CDC14A: variants seen among roughly 807,000 people sequenced by gnomAD.
CDC14A encodes the protein dual specificity protein phosphatase CDC14A.
Under a neutral mutation model 74.4 loss-of-function variants are expected in CDC14A, and 53 were observed. The observed-to-expected ratio is 0.71, with a 90% CI of 0.57 to 0.89. The LOEUF (loss-of-function observed/expected upper bound fraction) is 0.89, where lower values mean the gene tolerates loss of function less well. CDC14A is among the 40% of genes least tolerant of loss of function. CDC14A has a pLI of 0.00. For synonymous variants in CDC14A, 247 were observed against 258.4 expected (o/e 0.96, Z 0.43); for missense variants, 646 against 713.7 (o/e 0.91, Z 1.08).
intron 4 of CDC14A, among the ~76,000 whole-genome samples, chr1:100,413,059 GAAAAGAA>G (rs1325720949): frequency 2.6e-5 from 4 of 151,354 alleles, no homozygotes; most frequent in Admixed American, 2.6e-4. Flanking sequence ...CTGTCAAAAA[GAAAAGAA>G]AAAAGAAAAA....
intron 7 of CDC14A, among the ~76,000 whole-genome samples, chr1:100,452,408 A>G (rs1376260784): frequency 6.6e-6 from 1 of 152,174 alleles, no homozygotes; most frequent in Non-Finnish European, 1.5e-5. Context: ...GCTACTTGGG[A>G]GGCTAAAGCA....
At chr1:100,396,366 ATT>A (rs757846150) in intron 4 of CDC14A, among the ~76,000 whole-genome samples, 20 of 152,216 alleles carry the variant, frequency 1.3e-4, no homozygotes, top group Non-Finnish European at 2.4e-4. Context: ...AACACTATCA[ATT>A]TAGAGCTGTG....
chr1:100,353,692 T>TA, intron 1 of CDC14A, 70 bp from the exon 2 acceptor site: 1 of 777,812 alleles, frequency 1.3e-6, no homozygotes, highest in African/African-American at 1.7e-5. Flanking sequence ...CTTCGTATGT[T>TA]ACCACCCACC....
intron 10 of CDC14A, among the ~76,000 whole-genome samples, chr1:100,480,796 A>G (rs927472265): frequency 2.6e-5 from 4 of 152,228 alleles, no homozygotes; most frequent in African/African-American, 7.2e-5. Context: ...TTTTGGCATG[A>G]CACTCCAATG....
chr1:100,349,062 C>T (rs1347720572), upstream of CDC14A, among the ~76,000 whole-genome samples: 1 of 152,104 alleles, frequency 6.6e-6, no homozygotes, highest in Admixed American at 6.5e-5. Context: ...GGCGTGGTGG[C>T]GCACATGCCT....
chr1:100,439,472 A>C (rs1263209337), intron 5 of CDC14A, among the ~76,000 whole-genome samples: 1 of 152,214 alleles, frequency 6.6e-6, no homozygotes, highest in Non-Finnish European at 1.5e-5. Context: ...ATTCACTGTT[A>C]ATAATAAGAA....
intron 7 of CDC14A, among the ~76,000 whole-genome samples, chr1:100,450,846 C>T (rs1009160882): frequency 8.5e-5 from 13 of 152,136 alleles, no homozygotes; most frequent in Non-Finnish European, 1.5e-5. Context: ...GCAGTCTCGA[C>T]TCTAATTATG....
At chr1:100,471,489 A>T (rs1261202428) in intron 10 of CDC14A, among the ~76,000 whole-genome samples, 1 of 152,048 alleles carries the variant, frequency 6.6e-6, no homozygotes, top group Non-Finnish European at 1.5e-5. Context: ...AAACCGAAGA[A>T]TTTTTTTTAT....
intron 15 of CDC14A, chr1:100,504,980 G>T: frequency 6.8e-7 from 1 of 1,477,642 alleles, no homozygotes; most frequent in South Asian, 1.3e-5. Flanking sequence ...ATTTTATCAT[G>T]TATGCTATTA....
Position 100,409,048 on chromosome 1 carries a change from A to G in CDC14A, c.310-15174A>G, listed in dbSNP as rs548593270. 2.0e-5 allele frequency among the ~76,000 whole-genome samples: 3 copies of G among 152,254 alleles called. No homozygotes were observed. In the South Asian group the frequency reaches 6.2e-4, roughly 32 times the overall value. ...ATAAAGACATATCTGAGACTGGGCA[A>G]TTTACAAAAGAAAGAGGCTTAATGG... On this transcript the variant is annotated intron_variant, in intron 4 of 15. Transcript: ENST00000336454.
In CDC14A at chr1:100,500,743, C is replaced by CAA. The variant is rs67947647; in HGVS notation, c.1755+1507_1755+1508dup. Among the ~76,000 whole-genome samples, 10 of 53,862 alleles carry CAA rather than the reference C, an allele frequency of 1.9e-4. 1 individual carries two copies. The highest frequency in any genetic ancestry group is 6.4e-4 in the East Asian group (1 of 1,556). 35.3% of individuals were successfully genotyped at this position (53,862 alleles called of 152,430 possible). ...TCCAGCTGGGTGACAGAGCCACTCT[C>CAA]AAAAAAAAAAAAAAAAAAAAAAAAA... On this transcript the variant is annotated intron_variant, in intron 15 of 15. Transcript: ENST00000336454.
chr1:100,353,987 T>G (rs1651522161), intron 2 of CDC14A, 135 bp downstream of exon 2: 1 of 647,272 alleles, frequency 1.5e-6, no homozygotes. Context: ...TTTTTAAGAC[T>G]CAGGTGCCTG....
At chr1:100,368,008 T>C (rs895676778) in intron 2 of CDC14A, among the ~76,000 whole-genome samples, 15 of 152,334 alleles carry the variant, frequency 9.8e-5, no homozygotes, top group East Asian at 1.9e-4. Context: ...TTTTTGGAAA[T>C]ATGACCCTCT....
At chr1:100,443,324 G>A (rs989714180) in intron 7 of CDC14A, among the ~76,000 whole-genome samples, 3 of 152,036 alleles carry the variant, frequency 2.0e-5, no homozygotes, top group South Asian at 2.1e-4. Context: ...AAATAAAACT[G>A]AATTTGTACC....
intron 11 of CDC14A, chr1:100,484,820 T>G: frequency 1.0e-6 from 1 of 986,942 alleles, no homozygotes; most frequent in Non-Finnish European, 1.2e-6. Context: ...AAGCCTCAAA[T>G]TCATGCTGAT....
intron 4 of CDC14A, among the ~76,000 whole-genome samples, chr1:100,406,316 C>G (rs751981612): frequency 3.9e-5 from 6 of 152,128 alleles, no homozygotes; most frequent in Non-Finnish European, 8.8e-5. Context: ...ACATTTTCTC[C>G]CATTCTATAG....
chr1:100,403,877 T>C (rs1457046809), intron 4 of CDC14A, among the ~76,000 whole-genome samples: 1 of 152,226 alleles, frequency 6.6e-6, no homozygotes, highest in African/African-American at 2.4e-5. Flanking sequence ...GGGCTTAGTT[T>C]CTAAGTGTGG....
At position 100,518,434 on chromosome 1, in the gene CDC14A, C is replaced by G; in HGVS notation, c.*154C>G. 3 of 589,716 alleles carry G rather than the reference C, an allele frequency of 5.1e-6. No individual in the cohort carries two copies. In the South Asian group the frequency reaches 6.9e-5, roughly 14 times the overall value. 36.5% of individuals were successfully genotyped at this position (589,716 alleles called of 1,614,324 possible). A position where few individuals can be genotyped will look rare whatever the true frequency, so the allele number is the denominator to read the frequency against. ...GCACTAAGATAACACCTTCAAGAGA[C>G]TTGAAAACAGAAAACTGGTTAATGA... is the stretch of plus-strand genomic sequence containing the variant. On this transcript the variant is annotated 3_prime_UTR_variant, in exon 16 of 16. Coordinates refer to ENST00000336454, the MANE Select transcript of CDC14A (RefSeq NM_003672.4).
rs140021980 is a variant in CDC14A at position 100,390,817 on chromosome 1, C to G, written c.302C>G (p.Ala101Gly). ...KRANAAFLIGAYAVIYLKKTP... is the reference protein window; with the variant it reads ...KRANAAFLIGGYAVIYLKKTP... ...GCAAATGCAGCATTTTTGATAGGTG[C>G]CTATGCAGTAAGTACCTTCTTCATG... The change falls in exon 4 of 16, where the codon GCC becomes GGC. Residue 101 changes from alanine to glycine, a missense_variant. Transcript: ENST00000336454. 235 of 1,605,642 alleles carry G rather than the reference C, an allele frequency of 1.5e-4. No individual in the cohort carries two copies. The African/African-American group carries it at 2.6e-3, about 18-fold the overall frequency.
Sources: gnomAD v4.1 joint callset for allele counts (sites outside exome capture counted in the v4.1 genomes callset) on GRCh38, gnomAD v4.1.1 for gene constraint, MANE v1.5 for transcripts, NCBI Gene and HGNC (gene_info 2026-07-23, HGNC 2026-07-21) for gene names.